PARD3: variants seen among roughly 807,000 people sequenced by gnomAD.
PARD3 encodes par-3 family cell polarity regulator, also known as partitioning defective 3 homolog.
In PARD3, 75 loss-of-function variants were observed where a neutral mutation model predicts 155.4. That is an observed-to-expected ratio of 0.48 (90% CI 0.40 to 0.58). PARD3 has a LOEUF of 0.58. PARD3 is among the 20% of genes least tolerant of loss of function. PARD3 has a pLI of 0.00. For synonymous variants in PARD3, 576 were observed against 610.5 expected (o/e 0.94, Z 0.83); for missense variants, 1,642 against 1,721.7 (o/e 0.95, Z 0.82).
rs1958203514 is a variant in PARD3 at position 34,319,028 on chromosome 10, C to A, written c.2834-1690G>T. Among the ~76,000 whole-genome samples, 4 of 151,054 alleles carry A rather than the reference C, an allele frequency of 2.6e-5. No homozygotes were observed. In the South Asian group the frequency reaches 8.4e-4, roughly 32 times the overall value. ...GCTCCTGACCTCGTGATCTCCCCGC[C>A]TCGGCCTCCCAAAGTGCTGGGATTA... On this transcript the variant is annotated intron_variant, in intron 19 of 24. Coordinates refer to ENST00000374788, the MANE Select transcript of PARD3 (RefSeq NM_001184785.2).
intron 12 of PARD3, among the ~76,000 whole-genome samples, chr10:34,363,213 A>G (rs543266011): frequency 6.6e-6 from 1 of 152,356 alleles, no homozygotes; most frequent in South Asian, 2.1e-4. Context: ...TTGAAAGATC[A>G]GGATAAGGAG....
intron 1 of PARD3, among the ~76,000 whole-genome samples, chr10:34,785,953 G>A (rs1055655927): frequency 6.6e-6 from 1 of 152,134 alleles, no homozygotes; most frequent in Non-Finnish European, 1.5e-5. Context: ...GTAGTTACGT[G>A]TCATCTCCTG....
At chr10:34,607,037 G>T (rs1268907238) in intron 2 of PARD3, among the ~76,000 whole-genome samples, 3 of 149,748 alleles carry the variant, frequency 2.0e-5, no homozygotes, top group Non-Finnish European at 4.5e-5. Context: ...GTCCAGATTT[G>T]TAGATAGATG....
At chr10:34,153,175 A>T (rs766822372) in intron 22 of PARD3, among the ~76,000 whole-genome samples, 1 of 152,090 alleles carries the variant, frequency 6.6e-6, no homozygotes, top group Non-Finnish European at 1.5e-5. Context: ...CACGGATGCA[A>T]TCAAAGCTCA....
chr10:34,687,571 C>A (rs2093971980), intron 2 of PARD3, among the ~76,000 whole-genome samples: 1 of 152,102 alleles, frequency 6.6e-6, no homozygotes, highest in South Asian at 2.1e-4. Flanking sequence ...AAGACTTCCT[C>A]CACAAAGGGC....
intron 5 of PARD3, among the ~76,000 whole-genome samples, chr10:34,449,073 C>T (rs1171279345): frequency 1.7e-5 from 2 of 120,726 alleles, no homozygotes; most frequent in Non-Finnish European, 1.6e-5. Flanking sequence ...TGCCCGCCAC[C>T]ACGCCCGGCT....
chr10:34,662,460 T>C (rs2093347558), intron 2 of PARD3, among the ~76,000 whole-genome samples: 2 of 152,208 alleles, frequency 1.3e-5, no homozygotes, highest in South Asian at 2.1e-4. Context: ...ACTCCTATGT[T>C]CATTGCAGCA....
intron 1 of PARD3, among the ~76,000 whole-genome samples, chr10:34,759,118 G>GA (rs1362481208): frequency 6.8e-6 from 1 of 146,640 alleles, no homozygotes; most frequent in Non-Finnish European, 1.5e-5. Context: ...TTTTTAAAAA[G>GA]AAAAAAAGAA....
chr10:34,467,329 T>TTGTG (rs61218571), intron 4 of PARD3, among the ~76,000 whole-genome samples: 44,499 of 146,866 alleles, frequency 0.3, 6,675 homozygotes, highest in Middle Eastern at 0.33. Flanking sequence ...TGACTCCAAC[T>TTGTG]TGTGTGTGTG....
At chr10:34,760,667 A>T (rs1211140358) in intron 1 of PARD3, among the ~76,000 whole-genome samples, 1 of 152,194 alleles carries the variant, frequency 6.6e-6, no homozygotes. Context: ...AAGTGACAGG[A>T]TGTTGCTTCC....
intron 2 of PARD3, among the ~76,000 whole-genome samples, chr10:34,561,315 T>A (rs2134060070): frequency 6.6e-6 from 1 of 152,284 alleles, no homozygotes; most frequent in East Asian, 1.9e-4. Context: ...ATGATGGGAA[T>A]CTTATCTTGT....
intron 2 of PARD3, among the ~76,000 whole-genome samples, chr10:34,580,673 T>C (rs1156609413): frequency 1.3e-5 from 2 of 152,234 alleles, no homozygotes; most frequent in Non-Finnish European, 2.9e-5. Flanking sequence ...TTGCCAAAAA[T>C]TTGGTATCAT....
intron 22 of PARD3, among the ~76,000 whole-genome samples, chr10:34,199,263 C>T (rs1951097215): frequency 6.6e-6 from 1 of 152,166 alleles, no homozygotes; most frequent in African/African-American, 2.4e-5. Context: ...AGCATATCTT[C>T]CTGTCTCCTT....
At chr10:34,638,042 T>C (rs1400460189) in intron 2 of PARD3, among the ~76,000 whole-genome samples, 4 of 152,114 alleles carry the variant, frequency 2.6e-5, no homozygotes, top group African/African-American at 9.7e-5. Flanking sequence ...GACAATTCAG[T>C]CCACAGAATA....
chr10:34,342,395 TTGGCAAAA>T (rs1416125530), intron 15 of PARD3, among the ~76,000 whole-genome samples: 1 of 152,236 alleles, frequency 6.6e-6, no homozygotes, highest in Middle Eastern at 3.2e-3. Context: ...GCTGGAAATC[TTGGCAAAA>T]GTTAACATCA....
intron 20 of PARD3, among the ~76,000 whole-genome samples, chr10:34,287,730 T>C (rs750146457): frequency 1.3e-5 from 2 of 152,226 alleles, no homozygotes; most frequent in Non-Finnish European, 2.9e-5. Context: ...CCTTCATCTT[T>C]TTCTCTTAAG....
chr10:34,392,996 T>C (rs1316560411), intron 7 of PARD3, among the ~76,000 whole-genome samples: 1 of 152,012 alleles, frequency 6.6e-6, no homozygotes, highest in Non-Finnish European at 1.5e-5. Context: ...GCTTTGTTTA[T>C]ATCTTGTCAA....
At chr10:34,242,418 G>A (rs147907078) in intron 22 of PARD3, among the ~76,000 whole-genome samples, 51 of 151,936 alleles carry the variant, frequency 3.4e-4, no homozygotes, top group African/African-American at 1.1e-3. Context: ...AAGGAAAGAC[G>A]ATGGTAGGAG....
intron 2 of PARD3, among the ~76,000 whole-genome samples, chr10:34,552,608 G>A (rs1320831506): frequency 6.6e-6 from 1 of 152,132 alleles, no homozygotes; most frequent in African/African-American, 2.4e-5. Flanking sequence ...CAGCTATTCA[G>A]GAGGCTGAAG....
Sources: gnomAD v4.1 joint callset for allele counts (sites outside exome capture counted in the v4.1 genomes callset) on GRCh38, gnomAD v4.1.1 for gene constraint, MANE v1.5 for transcripts, NCBI Gene and HGNC (gene_info 2026-07-23, HGNC 2026-07-21) for gene names.